LY75: variants seen among roughly 807,000 people sequenced by gnomAD.
LY75 encodes the protein lymphocyte antigen 75.
LY75 carries 185 observed loss-of-function variants against 231.7 expected under a neutral mutation model. The ratio of observed to expected loss-of-function variants is 0.80; its 90% CI spans 0.71 to 0.90. The LOEUF (loss-of-function observed/expected upper bound fraction) is 0.90. LY75 is among the 40% of genes least tolerant of loss of function. The probability of loss-of-function intolerance (pLI) is 0.00; values close to 1 mark genes in which losing one functional copy is unlikely to be tolerated. For synonymous variants in LY75, 668 were observed against 689.0 expected, an observed-to-expected ratio of 0.97 and a Z score of 0.48; for missense variants, 1,947 against 2,050.2, an observed-to-expected ratio of 0.95 and a Z score of 0.97.
In LY75 at chr2:159,872,433, T is replaced by C. The variant is rs772133400; in HGVS notation, c.2117+18A>G. ...GACATCAAATTCAGCATAGAAATTC[T>C]CATTCTTAAAGTATTACCTGAACTG... On this transcript the variant is annotated intron_variant, in intron 13 of 34. Transcript: ENST00000263636. 3.1e-6 allele frequency: 5 copies of C among 1,610,024 alleles called. No individual in the cohort carries two copies. The highest frequency in any genetic ancestry group is 4.5e-5 in the East Asian group (2 of 44,806).
Position 159,816,847 on chromosome 2 carries a change from G to T in LY75, c.4339C>A (p.Arg1447Ser). The change falls in exon 30 of 35, where the codon CGT becomes AGT. Residue 1447 changes from arginine to serine, a missense_variant. Physicochemically the swap from Arg to Ser is moderately radical, Grantham distance 110. Coordinates refer to ENST00000263636, the MANE Select transcript of LY75 (RefSeq NM_002349.4). The part of the protein sequence containing the change: ...GQLFLEDIVK[R>S]DGFPLWVGLS... ...CCAACCCATAGTGGAAATCCATCAC[G>T]TTTTACAATATCTTCCAGAAAGAGC... 6.2e-7 allele frequency: 1 copy of T among 1,614,136 alleles called. No individual in the cohort carries two copies.
intron 14 of LY75, among the ~76,000 whole-genome samples, chr2:159,862,904 T>C (rs944474672): frequency 6.6e-6 from 1 of 152,108 alleles, no homozygotes; most frequent in Admixed American, 6.6e-5. Context: ...GAACTTATTC[T>C]TCCTATCTAA....
chr2:159,806,106 T>TAGGG (rs1456703909), intron 34 of LY75, among the ~76,000 whole-genome samples: 1 of 152,360 alleles, frequency 6.6e-6, no homozygotes. Context: ...CCTGGTTTCC[T>TAGGG]AATCTAGAGT....
intron 28 of LY75, among the ~76,000 whole-genome samples, chr2:159,829,799 TCAAA>T: frequency 6.6e-6 from 1 of 152,316 alleles, no homozygotes; most frequent in East Asian, 1.9e-4. Flanking sequence ...ATTTTATTAC[TCAAA>T]CATTTTATGA....
In LY75 at chr2:159,810,619, C is replaced by T. The variant is rs767524774; in HGVS notation, c.4606G>A (p.Gly1536Arg). The T allele has an allele frequency of 1.2e-6, 2 of 1,613,878 alleles. No homozygotes were observed. Among genetic ancestry groups the T allele is most frequent in the Admixed American group, 1.7e-5 (1 of 59,990 alleles). Residue 1536 changes from glycine to arginine, a missense_variant, in exon 32 of 35, where the codon GGG (glycine) becomes AGG (arginine). Gly to Arg is a moderately radical substitution (Grantham distance 125, BLOSUM62 -2). Coordinates refer to ENST00000263636, the MANE Select transcript of LY75 (RefSeq NM_002349.4). The part of the protein sequence containing the change: ...SSRCPAAKEN[G>R]SRWIQYKGHC... ...CCCTTGTACTGGATCCACCGTGACCCATTCTCTTTTGCTGCTGGACATCTT... is the reference window on the plus strand; with the variant it reads ...CCCTTGTACTGGATCCACCGTGACCTATTCTCTTTTGCTGCTGGACATCTT...
chr2:159,899,430 A>C (rs1686006421), intron 1 of LY75, among the ~76,000 whole-genome samples: 1 of 152,206 alleles, frequency 6.6e-6, no homozygotes, highest in African/African-American at 2.4e-5. Context: ...TTGCTATTTC[A>C]TGAAAGATTT....
At chr2:159,807,585 C>T in intron 33 of LY75, 1 of 981,832 alleles carries the variant, frequency 1.0e-6, no homozygotes, top group African/African-American at 1.7e-5. Flanking sequence ...CCCCACCTTT[C>T]TCCCACACCA....
chr2:159,841,205 T>G (rs73967939), intron 24 of LY75, among the ~76,000 whole-genome samples: 7,182 of 152,300 alleles, frequency 0.047, 519 homozygotes, highest in African/African-American at 0.16. Context: ...GAAGAGAATA[T>G]CTGCAAATAA....
At chr2:159,836,071 T>C (rs949847606) in intron 25 of LY75, among the ~76,000 whole-genome samples, 6 of 152,152 alleles carry the variant, frequency 3.9e-5, no homozygotes, top group African/African-American at 1.4e-4. Context: ...TAAGTACTGA[T>C]TAGATCAGAG....
chr2:159,904,222 G>GC, intron 1 of LY75, among the ~76,000 whole-genome samples: 1 of 152,312 alleles, frequency 6.6e-6, no homozygotes, highest in East Asian at 1.9e-4. Flanking sequence ...GGGACGGGAC[G>GC]CAAGAGGGCA....
At chr2:159,855,836 T>A (rs1684535169) in intron 16 of LY75, among the ~76,000 whole-genome samples, 1 of 152,206 alleles carries the variant, frequency 6.6e-6, no homozygotes, top group South Asian at 2.1e-4. Context: ...AGACATCATT[T>A]GCTTAATCTT....
At chr2:159,840,069 T>C (rs1044916172) in intron 25 of LY75, among the ~76,000 whole-genome samples, 6 of 148,946 alleles carry the variant, frequency 4.0e-5, no homozygotes, top group African/African-American at 1.2e-4. Flanking sequence ...ACACTATCCA[T>C]AGTGCTTCCA....
intron 28 of LY75, among the ~76,000 whole-genome samples, chr2:159,828,270 G>C (rs936797815): frequency 2.0e-5 from 3 of 150,024 alleles, no homozygotes; most frequent in African/African-American, 7.3e-5. Flanking sequence ...ATACTGGAAA[G>C]TATTTATATC....
At position 159,807,271 on chromosome 2, in the gene LY75, A is replaced by C. The variant is rs536871015; in HGVS notation, c.4823-131T>G. Reference sequence around the variant, plus strand: ...CACTTGTTAAAATAAAATGCATTAAAAATGAAAAAAATAAAATCAGTTCTT... The same window carrying C: ...CACTTGTTAAAATAAAATGCATTAACAATGAAAAAAATAAAATCAGTTCTT... On this transcript the variant is annotated intron_variant, in intron 33 of 34. Transcript: ENST00000263636. The C allele has an allele frequency of 3.6e-6, 4 of 1,104,810 alleles. No homozygotes were observed. The African/African-American group carries it at 6.3e-5, about 18-fold the overall frequency. The allele number at this position is 1,104,810 out of a possible 1,614,324, so 68.4% of individuals were successfully genotyped here. A position where few individuals can be genotyped will look rare whatever the true frequency, so the allele number is the denominator to read the frequency against.
intron 8 of LY75, among the ~76,000 whole-genome samples, chr2:159,879,978 A>G (rs1574586926): frequency 1.3e-5 from 2 of 152,206 alleles, no homozygotes; most frequent in Non-Finnish European, 1.5e-5. Context: ...GAACATTGGA[A>G]TGCTGTCTAG....
intron 32 of LY75, among the ~76,000 whole-genome samples, chr2:159,810,037 T>C (rs1202545378): frequency 6.6e-6 from 1 of 151,136 alleles, no homozygotes; most frequent in African/African-American, 2.4e-5. Context: ...TTATTAACAT[T>C]GATAATTTTT....
chr2:159,875,003 ATT>A (rs1318278737), intron 12 of LY75, among the ~76,000 whole-genome samples: 17 of 143,772 alleles, frequency 1.2e-4, no homozygotes, highest in African/African-American at 3.0e-4. Flanking sequence ...AAATATATAT[ATT>A]GTATATATAA....
At position 159,815,363 on chromosome 2, in the gene LY75, C is replaced by T. The variant is rs771289659; in HGVS notation, c.4549+42G>A. ...TTTTAATTATGTGCATAAATTATGT[C>T]ACATTTTCATAAATGTACTGTTACT... On this transcript the variant is annotated intron_variant, in intron 31 of 34. Coordinates refer to ENST00000263636, the MANE Select transcript of LY75 (RefSeq NM_002349.4). 2.6e-6 allele frequency: 4 copies of T among 1,545,416 alleles called. No individual in the cohort carries two copies. The Admixed American group carries it at 6.6e-5, about 26-fold the overall frequency.
At chr2:159,884,335 A>G (rs141444912) in intron 6 of LY75, among the ~76,000 whole-genome samples, 30 of 152,304 alleles carry the variant, frequency 2.0e-4, no homozygotes, top group African/African-American at 6.7e-4. Flanking sequence ...TCATTTGGTG[A>G]GGATGTAATT....
Sources: gnomAD v4.1 joint callset for allele counts (sites outside exome capture counted in the v4.1 genomes callset) on GRCh38, gnomAD v4.1.1 for gene constraint, MANE v1.5 for transcripts, NCBI Gene and HGNC (gene_info 2026-07-23, HGNC 2026-07-21) for gene names.